Variants in SIL1 observed in about 807,000 individuals in gnomAD.
SIL1 encodes the protein SIL1 nucleotide exchange factor.
In SIL1, 40 loss-of-function variants were observed where a neutral mutation model predicts 49.1. That is an observed-to-expected ratio of 0.81 (90% CI 0.63 to 1.06). The LOEUF (loss-of-function observed/expected upper bound fraction) is 1.06, where lower values mean the gene tolerates loss of function less well. SIL1 is among the 50% of genes least tolerant of loss of function. The pLI is 0.00. For synonymous variants in SIL1, 253 were observed against 250.8 expected (o/e 1.01, Z -0.08); for missense variants, 500 against 572.6 (o/e 0.87, Z 1.29).
intron 3 of SIL1, among the ~76,000 whole-genome samples, chr5:139,052,028 T>C (rs1168718288): frequency 6.6e-6 from 1 of 152,210 alleles, no homozygotes; most frequent in African/African-American, 2.4e-5. Flanking sequence ...GAGGACAGCA[T>C]TGCCTTGCTG....
chr5:139,084,959 T>A (rs1383608861), intron 3 of SIL1, among the ~76,000 whole-genome samples: 1 of 152,206 alleles, frequency 6.6e-6, no homozygotes, highest in Non-Finnish European at 1.5e-5. Flanking sequence ...TAGAATGGAA[T>A]CATACCATAC....
At chr5:139,049,010 G>C (rs1769231236) in intron 4 of SIL1, among the ~76,000 whole-genome samples, 1 of 152,182 alleles carries the variant, frequency 6.6e-6, no homozygotes, top group Non-Finnish European at 1.5e-5. Flanking sequence ...AGTGAAAACT[G>C]TCTAAATCTG....
At chr5:139,044,463 T>A (rs1293151851) in intron 4 of SIL1, among the ~76,000 whole-genome samples, 1 of 152,134 alleles carries the variant, frequency 6.6e-6, no homozygotes, top group Non-Finnish European at 1.5e-5. Flanking sequence ...CCCAACTACA[T>A]ACACACAAGC....
chr5:139,160,241 C>T (rs1469911117), intron 1 of SIL1, among the ~76,000 whole-genome samples: 1 of 151,674 alleles, frequency 6.6e-6, no homozygotes, highest in Non-Finnish European at 1.5e-5. Context: ...TTACCTACAA[C>T]CCTAGCCAGA....
intron 7 of SIL1, among the ~76,000 whole-genome samples, chr5:139,008,883 T>C (rs1768184341): frequency 1.3e-5 from 2 of 152,136 alleles, no homozygotes; most frequent in South Asian, 4.1e-4. Flanking sequence ...TACTTCCAAG[T>C]ATGTGGTCAA....
Position 139,190,279 on chromosome 5 carries a change from A to AG in SIL1, c.-11+7989dup, listed in dbSNP as rs1446217936. ...GCCTCATTCTTTACAGAAACACACA[A>AG]GTCTGGCCTGAGCACTATTTGTTTC... On this transcript the variant is annotated intron_variant, in intron 1 of 9. Coordinates refer to ENST00000394817, the MANE Select transcript of SIL1 (RefSeq NM_022464.5). Among the ~76,000 whole-genome samples the AG allele has an allele frequency of 2.0e-5, 3 of 152,218 alleles. No homozygotes were observed. The East Asian group carries it at 5.8e-4, about 29-fold the overall frequency.
chr5:139,123,182 C>T (rs1016822412), intron 2 of SIL1, among the ~76,000 whole-genome samples: 3 of 152,162 alleles, frequency 2.0e-5, no homozygotes, highest in Admixed American at 2.0e-4. Flanking sequence ...GTGCCTCAAA[C>T]CCCTCCTATC....
intron 7 of SIL1, among the ~76,000 whole-genome samples, chr5:139,006,531 GC>G (rs1235908194): frequency 6.8e-6 from 1 of 146,296 alleles, no homozygotes; most frequent in Admixed American, 6.9e-5. Flanking sequence ...CCTTGCCCAC[GC>G]CTATGTCCTG....
chr5:139,026,367 C>A (rs1046296126), intron 6 of SIL1, among the ~76,000 whole-genome samples: 9 of 152,038 alleles, frequency 5.9e-5, no homozygotes, highest in African/African-American at 2.2e-4. Flanking sequence ...TTTGGGAGGA[C>A]AAGGTGGGTG....
chr5:139,160,145 A>T (rs1286680789), intron 1 of SIL1, among the ~76,000 whole-genome samples: 27 of 32,472 alleles, frequency 8.3e-4, no homozygotes, highest in South Asian at 5.1e-3. Context: ...TTCCACAATC[A>T]CACACACACA....
chr5:139,093,428 AG>A (rs763880306), intron 3 of SIL1, among the ~76,000 whole-genome samples: 10 of 152,186 alleles, frequency 6.6e-5, no homozygotes, highest in Non-Finnish European at 1.3e-4. Context: ...AATCCTTCAG[AG>A]CGCAGTTAGC....
intron 3 of SIL1, among the ~76,000 whole-genome samples, chr5:139,076,827 A>G (rs999603680): frequency 6.6e-5 from 10 of 152,192 alleles, no homozygotes; most frequent in Non-Finnish European, 1.2e-4. Context: ...AGTCACCAGA[A>G]AGAAAGAAAA....
At chr5:139,135,052 A>C (rs1456969439) in intron 1 of SIL1, among the ~76,000 whole-genome samples, 1 of 152,218 alleles carries the variant, frequency 6.6e-6, no homozygotes, top group East Asian at 1.9e-4. Flanking sequence ...AATAATTTGA[A>C]GGACAAGAAA....
intron 1 of SIL1, among the ~76,000 whole-genome samples, chr5:139,140,013 G>A (rs974642971): frequency 6.6e-6 from 1 of 152,128 alleles, no homozygotes; most frequent in Non-Finnish European, 1.5e-5. Flanking sequence ...GCTCATGCCT[G>A]TAATCCCAGA....
chr5:138,990,978 A>G (rs1767744633), intron 7 of SIL1, among the ~76,000 whole-genome samples: 1 of 152,196 alleles, frequency 6.6e-6, no homozygotes, highest in African/African-American at 2.4e-5. Flanking sequence ...AGCTTCCTAA[A>G]GTGTTGGGAT....
intron 1 of SIL1, among the ~76,000 whole-genome samples, chr5:139,188,386 GT>G (rs1752112858): frequency 6.6e-6 from 1 of 152,128 alleles, no homozygotes; most frequent in South Asian, 2.1e-4. Context: ...AATTCCTATT[GT>G]TTACCAATTC....
intron 7 of SIL1, among the ~76,000 whole-genome samples, chr5:138,980,806 C>G (rs1180634006): frequency 6.6e-6 from 1 of 152,182 alleles, no homozygotes; most frequent in Non-Finnish European, 1.5e-5. Context: ...GCTTGACCCC[C>G]TCCCCAGTGG....
chr5:139,189,271 A>G (rs987782552), intron 1 of SIL1, among the ~76,000 whole-genome samples: 2 of 152,218 alleles, frequency 1.3e-5, no homozygotes, highest in Non-Finnish European at 2.9e-5. Context: ...CTGCTCCCCA[A>G]CGCTTGCATT....
intron 3 of SIL1, among the ~76,000 whole-genome samples, chr5:139,051,968 A>C (rs777591915): frequency 1.3e-5 from 2 of 152,210 alleles, no homozygotes; most frequent in Non-Finnish European, 2.9e-5. Flanking sequence ...GATTTGAAGC[A>C]AAGATGGTGC....
Sources: gnomAD v4.1 joint callset for allele counts (sites outside exome capture counted in the v4.1 genomes callset) on GRCh38, gnomAD v4.1.1 for gene constraint, MANE v1.5 for transcripts, NCBI Gene and HGNC (gene_info 2026-07-23, HGNC 2026-07-21) for gene names.